GPHN: variants seen among roughly 807,000 people sequenced by gnomAD.
GPHN encodes the protein gephyrin.
In GPHN, 17 loss-of-function variants were observed where a neutral mutation model predicts 95.5. The observed-to-expected ratio is 0.18, with a 90% confidence interval of 0.12 to 0.27. The LOEUF (loss-of-function observed/expected upper bound fraction) is 0.27, where lower values mean the gene tolerates loss of function less well. Among genes scored for constraint, GPHN ranks in the 10% least tolerant of loss-of-function variants. The probability of loss-of-function intolerance (pLI) is 1.00; values close to 1 mark genes in which losing one functional copy is unlikely to be tolerated. For missense variants in GPHN, 660 were observed against 978.1 expected, an observed-to-expected ratio of 0.67 and a Z score of 4.34; for synonymous variants, 320 against 322.5, an observed-to-expected ratio of 0.99 and a Z score of 0.08.
At chr14:67,341,406 C>A in the GPHN span, among the ~76,000 whole-genome samples, 1 of 152,174 alleles carries the variant, frequency 6.6e-6, no homozygotes, top group African/African-American at 2.4e-5. Context: ...GGCAGCCGCC[C>A]CGTCTGGGAA....
At chr14:67,692,023 G>C in the GPHN span, 1 of 148,774 alleles carries the variant, frequency 6.7e-6, no homozygotes, top group Non-Finnish European at 1.4e-5. Context: ...TGGTGGCCAG[G>C]ATTTTTATTA....
the GPHN span, among the ~76,000 whole-genome samples, chr14:67,658,193 G>C: frequency 1.3e-5 from 2 of 150,248 alleles, no homozygotes; most frequent in South Asian, 4.6e-4. Context: ...TTTCAACTGA[G>C]TAGGCTAAAA....
the GPHN span, among the ~76,000 whole-genome samples, chr14:67,268,810 A>G: frequency 3.9e-5 from 6 of 152,132 alleles, no homozygotes; most frequent in African/African-American, 1.4e-4. Context: ...GTGACTTAGA[A>G]TGCCTAACCT....
Position 67,110,323 on chromosome 14 carries a change from T to G in GPHN, c.1413+64T>G, listed in dbSNP as rs557058018. Reference sequence around the variant, plus strand: ...TGGCAGTATTATGTCACAACCATTTTCTGCAGTGTTTGTGAGATTAACCCA... The same window carrying G: ...TGGCAGTATTATGTCACAACCATTTGCTGCAGTGTTTGTGAGATTAACCCA... On this transcript the variant is annotated intron_variant, in intron 14 of 22. Coordinates refer to ENST00000478722, the MANE Select transcript of GPHN (RefSeq NM_020806.5). The G allele has an allele frequency of 5.9e-4, 939 of 1,578,444 alleles. 14 individuals carry two copies. The South Asian group carries it at 9.9e-3, about 17-fold the overall frequency.
chr14:67,508,753 C>CAAAAAAAAAAAAAAAAAAAAAAAAAA, the GPHN span, among the ~76,000 whole-genome samples: 74 of 46,634 alleles, frequency 1.6e-3, 6 homozygotes, highest in Non-Finnish European at 2.5e-3. Flanking sequence ...AACCTTGTCT[C>CAAAAAAAAAAAAAAAAAAAAAAAAAA]AAAAAAAAAA....
In GPHN at chr14:67,129,647, G is replaced by A. The variant is rs377256774; in HGVS notation, c.1748+7270G>A. Among the ~76,000 whole-genome samples, 6 of 152,200 alleles carry A rather than the reference G, an allele frequency of 3.9e-5. 1 individual carries two copies. The East Asian group carries it at 5.8e-4, about 15-fold the overall frequency. On this transcript the variant is annotated intron_variant, in intron 17 of 22. Coordinates refer to ENST00000478722, the MANE Select transcript of GPHN (RefSeq NM_020806.5). ...CCTACCTACATTTTGTTTTCTCCAA[G>A]CATAAAAAGTATTTCATAGCTATGT...
In GPHN at chr14:66,562,899, A is replaced by C. The variant is rs1300837239; in HGVS notation, c.64+54308A>C. ...TGTGTGTTTGTGTGTGTGTGTGCGCAAACTTGCCTTTTCTTAATTGACGTT... is the reference window on the plus strand; with the variant it reads ...TGTGTGTTTGTGTGTGTGTGTGCGCCAACTTGCCTTTTCTTAATTGACGTT... On this transcript the variant is annotated intron_variant, in intron 1 of 22. Coordinates refer to ENST00000478722, the MANE Select transcript of GPHN (RefSeq NM_020806.5). 2.0e-5 allele frequency among the ~76,000 whole-genome samples: 3 copies of C among 151,864 alleles called. No individual in the cohort carries two copies. In the East Asian group the frequency reaches 5.8e-4, roughly 29 times the overall value.
chr14:66,909,308 T>C (rs2065550864), intron 5 of GPHN, among the ~76,000 whole-genome samples: 1 of 152,070 alleles, frequency 6.6e-6, no homozygotes, highest in East Asian at 1.9e-4. Context: ...AACGTAAACA[T>C]TTCTCAATTC....
At chr14:67,670,736 C>T in the GPHN span, among the ~76,000 whole-genome samples, 83 of 152,220 alleles carry the variant, frequency 5.5e-4, no homozygotes, top group African/African-American at 1.9e-3. Context: ...ACCATGTTGA[C>T]CAGGATGGTC....
chr14:66,993,380 T>A (rs1265112407), intron 9 of GPHN, among the ~76,000 whole-genome samples: 1 of 152,132 alleles, frequency 6.6e-6, no homozygotes, highest in Non-Finnish European at 1.5e-5. Context: ...CAAAGATAAA[T>A]CTCATTATTG....
At chr14:67,199,037 A>G in the GPHN span, 96 of 730,614 alleles carry the variant, frequency 1.3e-4, no homozygotes, top group East Asian at 1.0e-3. Flanking sequence ...AAAGGCAAGA[A>G]GAGGATGGCA....
chr14:66,632,083 A>G (rs999343542), intron 1 of GPHN, among the ~76,000 whole-genome samples: 2 of 152,186 alleles, frequency 1.3e-5, no homozygotes, highest in African/African-American at 4.8e-5. Context: ...TAATCCTGCT[A>G]GCTCTGAGAT....
At chr14:66,600,962 C>G (rs1355116260) in intron 1 of GPHN, among the ~76,000 whole-genome samples, 2 of 152,000 alleles carry the variant, frequency 1.3e-5, no homozygotes, top group Non-Finnish European at 2.9e-5. Flanking sequence ...TAGACAAATT[C>G]ATAAATGCGG....
At chr14:67,074,952 T>A (rs912054023) in intron 11 of GPHN, among the ~76,000 whole-genome samples, 2 of 152,184 alleles carry the variant, frequency 1.3e-5, no homozygotes, top group Non-Finnish European at 2.9e-5. Context: ...CAACAGCAAG[T>A]TATCCAGAAG....
chr14:67,705,993 G>A, the GPHN span: 1 of 152,222 alleles, frequency 6.6e-6, no homozygotes, highest in Non-Finnish European at 1.5e-5. Context: ...CCAGTTACTT[G>A]GGAGGATGAG....
chr14:66,986,399 T>A (rs1254636603), intron 9 of GPHN, among the ~76,000 whole-genome samples: 1 of 152,154 alleles, frequency 6.6e-6, no homozygotes, highest in Admixed American at 6.6e-5. Flanking sequence ...TCCATTTGTG[T>A]ATATAACCTG....
At position 67,053,333 on chromosome 14, in the gene GPHN, C is replaced by T. The variant is rs529939901; in HGVS notation, c.1007-5316C>T. On this transcript the variant is annotated intron_variant, in intron 10 of 22. Transcript: ENST00000478722. ...AACAACCATCAGAGAATACTATAAA[C>T]ACCTCTATGCAAATAAACTAGAAAA... Among the ~76,000 whole-genome samples the T allele has an allele frequency of 3.3e-5, 5 of 152,184 alleles. No individual in the cohort carries two copies. The South Asian group carries it at 6.2e-4, about 19-fold the overall frequency.
At chr14:67,263,202 T>C in the GPHN span, among the ~76,000 whole-genome samples, 1 of 152,196 alleles carries the variant, frequency 6.6e-6, no homozygotes, top group Non-Finnish European at 1.5e-5. Context: ...CTTCAGGAAA[T>C]GTTATGTGTA....
At chr14:66,898,416 G>A (rs942593507) in intron 5 of GPHN, among the ~76,000 whole-genome samples, 1 of 129,586 alleles carries the variant, frequency 7.7e-6, no homozygotes, top group East Asian at 2.2e-4. Flanking sequence ...CGTTTGGTTG[G>A]TTGGTTGGTT....
Sources: gnomAD v4.1 joint callset for allele counts (sites outside exome capture counted in the v4.1 genomes callset) on GRCh38, gnomAD v4.1.1 for gene constraint, MANE v1.5 for transcripts, NCBI Gene and HGNC (gene_info 2026-07-23, HGNC 2026-07-21) for gene names.